Variants in TFIP11 observed in about 807,000 individuals in gnomAD.
TFIP11 encodes the protein tuftelin interacting protein 11.
In TFIP11, 86 loss-of-function variants were observed where a neutral mutation model predicts 96.8. The ratio of observed to expected loss-of-function variants is 0.89; its 90% CI spans 0.75 to 1.06. TFIP11 has a LOEUF of 1.06. TFIP11 is among the 50% of genes least tolerant of loss of function. TFIP11 has a pLI of 0.00. For missense variants in TFIP11, 881 were observed against 1,076.7 expected (o/e 0.82, Z 2.54); for synonymous variants, 405 against 395.2 (o/e 1.02, Z -0.29).
chr22:26,492,486 G>T, intron 14 of TFIP11, 118 bp from the exon 15 acceptor site: 1 of 867,998 alleles, frequency 1.2e-6, no homozygotes, highest in Non-Finnish European at 1.8e-6. Context: ...CTGAAGGGCA[G>T]CTCTGCCTCA....
At chr22:26,502,419 A>G (rs1461084792) in intron 7 of TFIP11, among the ~76,000 whole-genome samples, 1 of 152,218 alleles carries the variant, frequency 6.6e-6, no homozygotes, top group Non-Finnish European at 1.5e-5. Context: ...TTAAGCACAC[A>G]AAACCTTGTT....
intron 6 of TFIP11, among the ~76,000 whole-genome samples, chr22:26,504,197 CT>C (rs1457643866): frequency 6.6e-6 from 1 of 152,178 alleles, no homozygotes; most frequent in East Asian, 1.9e-4. Context: ...TGAAGTGAAG[CT>C]GCAATTTAAT....
intron 4 of TFIP11, among the ~76,000 whole-genome samples, chr22:26,508,662 T>C (rs1433451666): frequency 2.6e-5 from 4 of 152,092 alleles, no homozygotes; most frequent in African/African-American, 4.8e-5. Flanking sequence ...CTGGCCAACA[T>C]GGTGAAACCC....
At chr22:26,495,389 C>T (rs1360857645) in intron 12 of TFIP11, among the ~76,000 whole-genome samples, 5 of 148,246 alleles carry the variant, frequency 3.4e-5, no homozygotes, top group South Asian at 2.1e-4. Context: ...GCCATCCTCC[C>T]GCCTCAGCCT....
At chr22:26,500,835 C>G (rs1922687789) in intron 8 of TFIP11, among the ~76,000 whole-genome samples, 1 of 151,320 alleles carries the variant, frequency 6.6e-6, no homozygotes, top group Non-Finnish European at 1.5e-5. Flanking sequence ...CAACAGGCAA[C>G]TGTCACCACT....
chr22:26,492,914 C>A (rs1300224018), intron 14 of TFIP11: 1 of 154,062 alleles, frequency 6.5e-6, no homozygotes, highest in Non-Finnish European at 1.4e-5. Context: ...GTTTTGGAAA[C>A]ATGAGGCCAA....
intron 8 of TFIP11, among the ~76,000 whole-genome samples, chr22:26,501,532 C>T (rs972541428): frequency 2.6e-5 from 4 of 151,864 alleles, no homozygotes; most frequent in Non-Finnish European, 2.9e-5. Flanking sequence ...TCTGGAATTA[C>T]GTGCTCATTA....
At chr22:26,498,014 T>A (rs1922280014) in intron 10 of TFIP11, among the ~76,000 whole-genome samples, 1 of 149,466 alleles carries the variant, frequency 6.7e-6, no homozygotes, top group Admixed American at 6.7e-5. Context: ...AACTGTGGTA[T>A]AAATATAATG....
intron 4 of TFIP11, among the ~76,000 whole-genome samples, chr22:26,508,742 G>A (rs1399284213): frequency 6.6e-6 from 1 of 152,052 alleles, no homozygotes; most frequent in Non-Finnish European, 1.5e-5. Flanking sequence ...CTACTCGGGA[G>A]GCTGAGGCAG....
chr22:26,498,844 T>A, intron 10 of TFIP11, 25 bp downstream of exon 10: 1 of 1,571,068 alleles, frequency 6.4e-7, no homozygotes, highest in Non-Finnish European at 8.8e-7. Context: ...GGAGCTGGGG[T>A]ACAGAGCCCT....
rs1017740121 is a variant in TFIP11, at chr22:26,491,409, A to C, written c.*604T>G. ...GTAAAGTGGAAATTTATCCCAGAAG[A>C]GTGGGGATTACTGTGACTATCTGAA... On this transcript the variant is annotated 3_prime_UTR_variant, in exon 15 of 15. Transcript: ENST00000407690. The C allele has an allele frequency of 7.5e-7, 1 of 1,332,504 alleles. No individual in the cohort carries two copies. The highest frequency in any genetic ancestry group is 1.5e-5 in the African/African-American group (1 of 68,134). 82.5% of individuals were successfully genotyped at this position (1,332,504 alleles called of 1,614,324 possible).
At chr22:26,505,677 ATTTTTG>A (rs2147143394) in intron 6 of TFIP11, among the ~76,000 whole-genome samples, 1 of 150,204 alleles carries the variant, frequency 6.7e-6, no homozygotes, top group Non-Finnish European at 1.5e-5. Flanking sequence ...CAACTAATTC[ATTTTTG>A]TTTTTATTTA....
At chr22:26,510,501 T>C (rs1923922775) in intron 3 of TFIP11, 116 bp downstream of exon 3, 1 of 547,334 alleles carries the variant, frequency 1.8e-6, no homozygotes, top group Non-Finnish European at 3.3e-6. Flanking sequence ...TAACAGTCTA[T>C]GATTCTTTAA....
Position 26,491,768 on chromosome 22 carries a change from C to A in TFIP11, c.*245G>T. The A allele has an allele frequency of 8.4e-7, 1 of 1,194,902 alleles. No individual in the cohort carries two copies. 74.0% of individuals were successfully genotyped at this position (1,194,902 alleles called of 1,614,324 possible). A position where few individuals can be genotyped will look rare whatever the true frequency, so the allele number is the denominator to read the frequency against. On this transcript the variant is annotated 3_prime_UTR_variant, in exon 15 of 15. Transcript: ENST00000407690. ...GGAGGAACTACAGAGAACTCCTTTGCCAGGAAAGAACATCAACTTGGCTGT... is the reference window on the plus strand; with the variant it reads ...GGAGGAACTACAGAGAACTCCTTTGACAGGAAAGAACATCAACTTGGCTGT...
chr22:26,512,068 A>G (rs1301282227), intron 2 of TFIP11, 31 bp downstream of exon 2: 4 of 152,162 alleles, frequency 2.6e-5, no homozygotes, highest in African/African-American at 9.7e-5. Context: ...TCAGATAAGA[A>G]AAAGGAGGTT....
chr22:26,499,486 G>A lies in TFIP11; in HGVS notation c.947C>T (p.Ala316Val), dbSNP rs1401571030. The A allele has an allele frequency of 6.2e-6, 10 of 1,614,192 alleles. No homozygotes were observed. The Middle Eastern group carries it at 4.9e-4, about 80-fold the overall frequency. Reference sequence around the variant, plus strand: ...CAGGTTGTGCTCCAGCTCGGGCAGCGCGAAGCCGGGGGCCTTGGCCTCTTT... The same window carrying A: ...CAGGTTGTGCTCCAGCTCGGGCAGCACGAAGCCGGGGGCCTTGGCCTCTTT... ...SGKEAKAPGF[A>V]LPELEHNLQL... The change falls in exon 9 of 15, where the codon GCG (alanine) becomes GTG (valine). Residue 316 changes from alanine to valine, a missense_variant. Physicochemically the swap from Ala to Val is moderately conservative, Grantham distance 64. Coordinates refer to ENST00000407690, the MANE Select transcript of TFIP11 (RefSeq NM_012143.4).
At chr22:26,497,890 A>G (rs945610073) in intron 10 of TFIP11, among the ~76,000 whole-genome samples, 7 of 151,854 alleles carry the variant, frequency 4.6e-5, no homozygotes, top group Admixed American at 3.9e-4. Context: ...AAAAAAAAAA[A>G]AAAAGTCATA....
At chr22:26,511,729 G>A (rs1339713425) in intron 2 of TFIP11, 2 of 152,184 alleles carry the variant, frequency 1.3e-5, no homozygotes, top group Admixed American at 6.5e-5. Flanking sequence ...TACTTCCACA[G>A]GCAGTGTCAA....
intron 7 of TFIP11, among the ~76,000 whole-genome samples, chr22:26,502,568 A>G (rs76370345): frequency 0.021 from 3,210 of 152,260 alleles, 100 homozygotes; most frequent in African/African-American, 0.074. Flanking sequence ...ACGGCTCTGA[A>G]TACGGCCTGT....
Sources: allele counts gnomAD v4.1 joint callset (sites outside exome capture counted in the v4.1 genomes callset), GRCh38; gene constraint gnomAD v4.1.1; transcripts MANE v1.5; gene names NCBI Gene and HGNC (gene_info 2026-07-23, HGNC 2026-07-21).